GBP5: variants seen among roughly 807,000 people sequenced by gnomAD.
GBP5 encodes the protein guanylate-binding protein 5.
GBP5 carries 48 observed loss-of-function variants against 58.2 expected under a neutral mutation model. The observed-to-expected ratio is 0.83, with a 90% CI of 0.65 to 1.05. The LOEUF is 1.05. Among genes scored for constraint, GBP5 ranks in the 50% least tolerant of loss-of-function variants. The pLI is 0.00. For synonymous variants in GBP5, 248 were observed against 251.8 expected (o/e 0.98, Z 0.14); for missense variants, 714 against 686.8 (o/e 1.04, Z -0.44).
At chr1:89,260,912 A>G in intron 11 of GBP5, 95 bp from the exon 12 acceptor site, 1 of 785,022 alleles carries the variant, frequency 1.3e-6, no homozygotes, top group Non-Finnish European at 2.2e-6. Context: ...AGTAGCAGTA[A>G]ACAGTTCCTG....
At chr1:89,266,688 A>T in intron 6 of GBP5, 100 bp from the exon 7 acceptor site, 1 of 1,140,948 alleles carries the variant, frequency 8.8e-7, no homozygotes, top group Non-Finnish European at 1.3e-6. Context: ...CACTTAGATT[A>T]ATATATCTTC....
rs1294471605 is a variant in GBP5, at chr1:89,263,782, T to C, written c.1316A>G (p.Glu439Gly). 1.2e-6 allele frequency: 2 copies of C among 1,603,754 alleles called. No individual in the cohort carries two copies. Among genetic ancestry groups the C allele is most frequent in the Non-Finnish European group, 1.7e-6 (2 of 1,170,696 alleles). ...CCGATAGTACTTTGCCTTCAGTTCT[T>C]CTGTTTTCTGAATGAAGAGATTATG... is the stretch of plus-strand genomic sequence containing the variant. ...GGHNLFIQKT[E>G]ELKAKYYREP... The change falls in exon 9 of 12, where the codon GAA becomes GGA. Residue 439 changes from glutamate to glycine, a missense_variant. Physicochemically the swap from Glu to Gly is moderately conservative, Grantham distance 98 (BLOSUM62 -2). Coordinates refer to ENST00000370459, the MANE Select transcript of GBP5 (RefSeq NM_052942.5).
intron 11 of GBP5, 45 bp downstream of exon 11, chr1:89,262,175 T>G (rs753922186): frequency 6.3e-7 from 1 of 1,581,522 alleles, no homozygotes; most frequent in Non-Finnish European, 8.7e-7. Flanking sequence ...TGCTACATAC[T>G]CTCATCGTTA....
rs1250502832 is a variant in GBP5 at position 89,264,839 on chromosome 1, G to A, written c.996C>T (p.His332=). Residue 332 remains histidine, a synonymous_variant, in exon 8 of 12, where the codon CAC becomes CAT. Coordinates refer to ENST00000370459, the MANE Select transcript of GBP5 (RefSeq NM_052942.5). ...CTTTCTGGCCCATTTGCTGGTCATAGTGGGCAATGGCCTTTTGCACTGCAG... is the reference window on the plus strand; with the variant it reads ...CTTTCTGGCCCATTTGCTGGTCATAATGGGCAATGGCCTTTTGCACTGCAG... The part of the protein sequence containing the change: ...NSAAVQKAIA[H]YDQQMGQKVQ... 6.2e-7 allele frequency: 1 copy of A among 1,614,188 alleles called. No individual in the cohort carries two copies. The highest frequency in any genetic ancestry group is 8.5e-7 in the Non-Finnish European group (1 of 1,180,042).
In GBP5 at chr1:89,260,340, T is replaced by A. The variant is rs746164247; in HGVS notation, c.*364A>T. On this transcript the variant is annotated 3_prime_UTR_variant, in exon 12 of 12. Coordinates refer to ENST00000370459, the MANE Select transcript of GBP5 (RefSeq NM_052942.5). ...TCAGAGCTAGTCTATGGCCTGAGGGTTGGGAAGCCCTGCTCTAGGTAACAT... is the reference window on the plus strand; with the variant it reads ...TCAGAGCTAGTCTATGGCCTGAGGGATGGGAAGCCCTGCTCTAGGTAACAT... 1 of 175,708 alleles carries A rather than the reference T, an allele frequency of 5.7e-6. No individual in the cohort carries two copies. Among genetic ancestry groups the A allele is most frequent in the African/African-American group, 2.4e-5 (1 of 41,890 alleles). The allele number at this position is 175,708 out of a possible 1,614,324, so 10.9% of individuals were successfully genotyped here. A position where few individuals can be genotyped will look rare whatever the true frequency, so the allele number is the denominator to read the frequency against.
At position 89,264,792 on chromosome 1, in the gene GBP5, A is replaced by C; in HGVS notation, c.1043T>G (p.Leu348Arg). ...CCTGTGCAGGTCCAGCAGCTCCTGG[A>C]GGGTTTCCATGGGCAGCTGCACTTT... Reference protein sequence around the residue: ...GQKVQLPMETLQELLDLHRTS... With the variant: ...GQKVQLPMETRQELLDLHRTS... Residue 348 changes from leucine (L) to arginine (R), a missense_variant, in exon 8 of 12, where the codon CTC becomes CGC. Leu to Arg is a moderately radical substitution (Grantham distance 102, BLOSUM62 -2). Coordinates refer to ENST00000370459, the MANE Select transcript of GBP5 (RefSeq NM_052942.5). The C allele has an allele frequency of 6.2e-7, 1 of 1,614,132 alleles. No homozygotes were observed. The highest frequency in any genetic ancestry group is 1.1e-5 in the South Asian group (1 of 91,076).
At chr1:89,267,814 C>T (rs1650287488) in intron 4 of GBP5, among the ~76,000 whole-genome samples, 1 of 152,110 alleles carries the variant, frequency 6.6e-6, no homozygotes, top group African/African-American at 2.4e-5. Flanking sequence ...GGCCTATATA[C>T]CCAGTACATA....
chr1:89,261,374 TGGCAAGCCAAG>T (rs1298779637), intron 11 of GBP5, among the ~76,000 whole-genome samples: 1 of 152,168 alleles, frequency 6.6e-6, no homozygotes, highest in Non-Finnish European at 1.5e-5. Flanking sequence ...ACCTACAAAC[TGGCAAGCCAAG>T]GGGAAGAATT....
rs763973975 is a variant in GBP5 at position 89,267,107 on chromosome 1, C to A, written c.475G>T (p.Asp159Tyr). The change falls in exon 6 of 12, where the codon GAC becomes TAC. Residue 159 changes from aspartate to tyrosine, a missense_variant. Physicochemically the swap from Asp to Tyr is radical, Grantham distance 160 (BLOSUM62 -3). Transcript: ENST00000370459. Reference protein sequence around the residue: ...TDLLKARNSPDLDRVEDPADS... With the variant: ...TDLLKARNSPYLDRVEDPADS... ...GCAGGATCTTCAACCCTGTCAAGGT[C>A]GGGTGAGTTTCTTGCCTTGAGCAGA... The A allele has an allele frequency of 6.2e-7, 1 of 1,608,820 alleles. No individual in the cohort carries two copies. The highest frequency in any genetic ancestry group is 1.1e-5 in the South Asian group (1 of 89,832).
rs902624542 is a variant in GBP5 at position 89,259,533 on chromosome 1, T to C, written c.*1171A>G. On this transcript the variant is annotated 3_prime_UTR_variant, in exon 12 of 12. Coordinates refer to ENST00000370459, the MANE Select transcript of GBP5 (RefSeq NM_052942.5). ...CTGATGGCATCCAGCACACGACCAT[T>C]AGCCTGAGTGATGCCCAACTGAGCC... 3 of 152,166 alleles carry C rather than the reference T, an allele frequency of 2.0e-5. No homozygotes were observed. Among genetic ancestry groups the C allele is most frequent in the Non-Finnish European group, 4.4e-5 (3 of 68,054 alleles). 9.4% of individuals were successfully genotyped at this position (152,166 alleles called of 1,614,324 possible).
rs529905284 is a variant in GBP5, at chr1:89,271,022, T to A, written c.-127-160A>T. 2.0e-5 allele frequency: 3 copies of A among 152,340 alleles called. No homozygotes were observed. The South Asian group carries it at 6.2e-4, about 32-fold the overall frequency. The allele number at this position is 152,340 out of a possible 1,614,324, so 9.4% of individuals were successfully genotyped here. A position where few individuals can be genotyped will look rare whatever the true frequency, so the allele number is the denominator to read the frequency against. ...CAATAGCATTGTATATCTACATTAA[T>A]AATAGTATTTGACATGTTGTCCCCA... On this transcript the variant is annotated intron_variant, in intron 1 of 11. Transcript: ENST00000370459.
In GBP5 at chr1:89,257,127, T is replaced by C. The variant is rs1649812846; in HGVS notation, c.*3577A>G. Among the ~76,000 whole-genome samples, 1 of 152,172 alleles carries C rather than the reference T, an allele frequency of 6.6e-6. No homozygotes were observed. On this transcript the variant is annotated 3_prime_UTR_variant, in exon 12 of 12. Coordinates refer to ENST00000370459, the MANE Select transcript of GBP5 (RefSeq NM_052942.5). Reference sequence around the variant, plus strand: ...CCATTTTCATACTGCTATGAAGAAATACTCAAGACTGGGTAATTTATAAAG... The same window carrying C: ...CCATTTTCATACTGCTATGAAGAAACACTCAAGACTGGGTAATTTATAAAG...
In GBP5 at chr1:89,262,332, T is replaced by C. The variant is rs751933331; in HGVS notation, c.1535A>G (p.Glu512Gly). The change falls in exon 11 of 12, where the codon GAG becomes GGG. Residue 512 changes from glutamate (E) to glycine (G), a missense_variant. Glu to Gly is a moderately conservative substitution (Grantham distance 98, BLOSUM62 -2). Coordinates refer to ENST00000370459, the MANE Select transcript of GBP5 (RefSeq NM_052942.5). Reference protein sequence around the residue: ...QRLAAIQRQNEQMMQERERLH... With the variant: ...QRLAAIQRQNGQMMQERERLH... ...TCTCTCCCTCTCCTGCATCATTTGC[T>C]CGTTCTGCCTTTGAATCGCCGCCAA... 3.1e-6 allele frequency: 5 copies of C among 1,614,068 alleles called. No individual in the cohort carries two copies. In the East Asian group the frequency reaches 8.9e-5, roughly 29 times the overall value.
At chr1:89,265,038 A>T in intron 7 of GBP5, 72 bp from the exon 8 acceptor site, 1 of 1,428,090 alleles carries the variant, frequency 7.0e-7, no homozygotes, top group Admixed American at 1.9e-5. Flanking sequence ...AATTTCTGAG[A>T]ACGTACATTT....
chr1:89,258,908 A>G lies in GBP5; in HGVS notation c.*1796T>C, dbSNP rs1230600659. The G allele has an allele frequency of 6.6e-6, 1 of 152,168 alleles. No individual in the cohort carries two copies. The highest frequency in any genetic ancestry group is 6.5e-5 in the Admixed American group (1 of 15,286). The allele number at this position is 152,168 out of a possible 1,614,324, so 9.4% of individuals were successfully genotyped here. A position where few individuals can be genotyped will look rare whatever the true frequency, so the allele number is the denominator to read the frequency against. ...CCTTAGGGAAATTCAGTCTTTCTCT[A>G]TAGACTTTTAACTTTGAGAAAAATA... On this transcript the variant is annotated 3_prime_UTR_variant, in exon 12 of 12. Transcript: ENST00000370459.
chr1:89,262,984 T>G (rs1650071834), intron 9 of GBP5, 199 bp from the exon 10 acceptor site: 2 of 423,632 alleles, frequency 4.7e-6, no homozygotes, highest in East Asian at 8.1e-5. Flanking sequence ...CTGGAGAGGC[T>G]TGTGGAACAC....
At chr1:89,264,002 TGG>T in intron 8 of GBP5, 54 bp from the exon 9 acceptor site, 1 of 1,053,378 alleles carries the variant, frequency 9.5e-7, no homozygotes, top group Non-Finnish European at 1.4e-6. Context: ...TCAGTATTTC[TGG>T]AAATAATTCT....
At chr1:89,267,311 T>G in intron 5 of GBP5, 106 bp downstream of exon 5, 1 of 998,922 alleles carries the variant, frequency 1.0e-6, no homozygotes. Flanking sequence ...CTTTCAATGT[T>G]TATCACGTTT....
Position 89,266,563 on chromosome 1 carries a change from G to GA in GBP5, c.650dup (p.Asn218GlnfsTer20), listed in dbSNP as rs1206065766. The GA allele has an allele frequency of 6.2e-7, 1 of 1,612,554 alleles. No homozygotes were observed. Among genetic ancestry groups the GA allele is most frequent in the African/African-American group, 1.3e-5 (1 of 74,842 alleles). ...TCTGTATACACAGACGGGGCAAATT[G>GA]AAATTTTGAACTCTTTGATCACTAC... On this transcript the variant is annotated frameshift_variant, in exon 7 of 12. Coordinates refer to ENST00000370459, the MANE Select transcript of GBP5 (RefSeq NM_052942.5). LOFTEE classifies it high-confidence loss of function.
Sources: allele counts gnomAD v4.1 joint callset (sites outside exome capture counted in the v4.1 genomes callset), GRCh38; gene constraint gnomAD v4.1.1; transcripts MANE v1.5; gene names NCBI Gene and HGNC (gene_info 2026-07-23, HGNC 2026-07-21).